DLX4: variants seen among roughly 807,000 people sequenced by gnomAD.
The protein encoded by DLX4 is homeobox protein DLX-4.
A neutral mutation model predicts 17.1 loss-of-function variants in DLX4; 13 were observed. The observed-to-expected ratio is 0.76, with a 90% CI of 0.49 to 1.21. DLX4 has a LOEUF of 1.21. Among genes scored for constraint, DLX4 ranks in the 50% most tolerant of loss-of-function variants. The pLI is 0.00. For missense variants in DLX4, 297 were observed against 301.4 expected, an observed-to-expected ratio of 0.99 and a Z score of 0.11; for synonymous variants, 129 against 140.3, an observed-to-expected ratio of 0.92 and a Z score of 0.57.
At position 49,972,843 on chromosome 17, in the gene DLX4, T is replaced by A. The variant is rs1905556354; in HGVS notation, c.284-230T>A. The A allele has an allele frequency of 3.5e-6, 5 of 1,424,870 alleles. No individual in the cohort carries two copies. Among genetic ancestry groups the A allele is most frequent in the Non-Finnish European group, 4.6e-6 (5 of 1,088,136 alleles). 88.3% of individuals were successfully genotyped at this position (1,424,870 alleles called of 1,614,324 possible). ...TCACAGGACCCATACGAGTGGGAGC[T>A]CCCTGGGAGCAGAACTGCGTCTTGT... On this transcript the variant is annotated intron_variant, in intron 1 of 2. Coordinates refer to ENST00000240306, the MANE Select transcript of DLX4 (RefSeq NM_138281.3). The surrounding 1 kb of genome is among the most constrained non-coding windows in gnomAD (Gnocchi z 5.4).
At chr17:49,969,997 C>G (rs540169259) in intron 1 of DLX4, among the ~76,000 whole-genome samples, 2 of 152,054 alleles carry the variant, frequency 1.3e-5, no homozygotes, top group African/African-American at 4.8e-5. Flanking sequence ...TAAAGACAGG[C>G]GAGAGGGCCC....
At position 49,969,605 on chromosome 17, in the gene DLX4, C is replaced by G. The variant is rs1464193486; in HGVS notation, c.137C>G (p.Ser46Cys). 6.2e-7 allele frequency: 1 copy of G among 1,613,472 alleles called. No homozygotes were observed. Among genetic ancestry groups the G allele is most frequent in the East Asian group, 2.2e-5 (1 of 44,862 alleles). ...SPTTAASPNL[S>C]YSRPYGHLLS... is the part of the protein sequence containing the mutation. ...ACAACCGCAGCCTCCCCCAATTTGTCCTACTCCAGGCCGTATGGCCACCTC... is the reference window on the plus strand; with the variant it reads ...ACAACCGCAGCCTCCCCCAATTTGTGCTACTCCAGGCCGTATGGCCACCTC... The change falls in exon 1 of 3, where the codon TCC (serine) becomes TGC (cysteine). Residue 46 changes from serine to cysteine, a missense_variant. Transcript: ENST00000240306.
At chr17:49,968,611 G>A (rs1209844136), upstream of DLX4, among the ~76,000 whole-genome samples, 1 of 152,012 alleles carries the variant, frequency 6.6e-6, no homozygotes, top group Non-Finnish European at 1.5e-5. Context: ...GGGTGCAGCG[G>A]CGGCGGTCTC....
chr17:49,973,802 G>A lies in DLX4; in HGVS notation c.582G>A (p.Val194=), dbSNP rs779984318. The change falls in exon 3 of 3, where the codon GTG becomes GTA. Residue 194 remains valine (V), a synonymous_variant. Coordinates refer to ENST00000240306, the MANE Select transcript of DLX4 (RefSeq NM_138281.3). ...ACTTCCCTGGGAGGACCTTCTCTGT[G>A]TCTCCCTGCTCCCCACCCCTCCCCT... ...EGDFPGRTFS[V]SPCSPPLPSL... is the part of the protein sequence containing the mutation. 2 of 1,602,394 alleles carry A rather than the reference G, an allele frequency of 1.2e-6. No individual in the cohort carries two copies. Among genetic ancestry groups the A allele is most frequent in the Admixed American group, 1.7e-5 (1 of 58,540 alleles).
intron 2 of DLX4, 35 bp from the exon 3 acceptor site, chr17:49,973,666 C>T (rs1213970024): frequency 5.3e-6 from 8 of 1,496,574 alleles, no homozygotes; most frequent in Non-Finnish European, 7.1e-6. Flanking sequence ...TATCTTCCTC[C>T]TGATCTTTCA....
chr17:49,973,938 A>T lies in DLX4; in HGVS notation c.718A>T (p.Met240Leu), dbSNP rs1211164799. Residue 240 changes from methionine to leucine, a missense_variant, in exon 3 of 3, where the codon ATG (methionine) becomes TTG (leucine). Physicochemically the swap from Met to Leu is conservative, Grantham distance 15. Coordinates refer to ENST00000240306, the MANE Select transcript of DLX4 (RefSeq NM_138281.3). ...SSDVLASPQM[M>L] is the part of the protein sequence containing the mutation. The stretch of plus-strand genomic sequence containing the variant: ...AGATGTCCTGGCTTCGCCTCAGATG[A>T]TGTGAATCTGGGGAAGGGCGGGTCA... 1.2e-6 allele frequency: 2 copies of T among 1,601,908 alleles called. No homozygotes were observed. Among genetic ancestry groups the T allele is most frequent in the Non-Finnish European group, 8.5e-7 (1 of 1,175,124 alleles).
At position 49,973,792 on chromosome 17, in the gene DLX4, C is replaced by T; in HGVS notation, c.572C>T (p.Thr191Ile). Reference sequence around the variant, plus strand: ...CAGGAAGGGGACTTCCCTGGGAGGACCTTCTCTGTGTCTCCCTGCTCCCCA... The same window carrying T: ...CAGGAAGGGGACTTCCCTGGGAGGATCTTCTCTGTGTCTCCCTGCTCCCCA... ...GGQEGDFPGR[T>I]FSVSPCSPPL... The change falls in exon 3 of 3, where the codon ACC (threonine) becomes ATC (isoleucine). Residue 191 changes from threonine (T) to isoleucine (I), a missense_variant. Thr to Ile is a moderately conservative substitution (Grantham distance 89). Coordinates refer to ENST00000240306, the MANE Select transcript of DLX4 (RefSeq NM_138281.3). The T allele has an allele frequency of 1.3e-6, 2 of 1,597,892 alleles. No individual in the cohort carries two copies. The highest frequency in any genetic ancestry group is 1.7e-6 in the Non-Finnish European group (2 of 1,171,586).
chr17:49,973,708 T>C lies in DLX4; in HGVS notation c.488T>C (p.Ile163Thr), dbSNP rs1905609332. 1 of 1,498,402 alleles carries C rather than the reference T, an allele frequency of 6.7e-7. No individual in the cohort carries two copies. Among genetic ancestry groups the C allele is most frequent in the African/African-American group, 1.4e-5 (1 of 70,766 alleles). The allele number at this position is 1,498,402 out of a possible 1,614,324, so 92.8% of individuals were successfully genotyped here. A position where few individuals can be genotyped will look rare whatever the true frequency, so the allele number is the denominator to read the frequency against. The change falls in exon 3 of 3, where the codon ATC becomes ACC. Residue 163 changes from isoleucine (I) to threonine (T), a missense_variant. Coordinates refer to ENST00000240306, the MANE Select transcript of DLX4 (RefSeq NM_138281.3). ...CCCCTTTTCTTCCCGAAGGTAAAGA[T>C]CTGGTTTCAGAACAAACGCTCCAAG... ...QLGLTQTQVK[I>T]WFQNKRSKYK...
In DLX4 at chr17:49,969,630, C is replaced by T. The variant is rs759258179; in HGVS notation, c.162C>T (p.Leu54=). 6.2e-7 allele frequency: 1 copy of T among 1,612,866 alleles called. No individual in the cohort carries two copies. Among genetic ancestry groups the T allele is most frequent in the Non-Finnish European group, 8.5e-7 (1 of 1,179,972 alleles). The change falls in exon 1 of 3, where the codon CTC becomes CTT. Residue 54 remains leucine (L), a synonymous_variant. Coordinates refer to ENST00000240306, the MANE Select transcript of DLX4 (RefSeq NM_138281.3). ...CCTACTCCAGGCCGTATGGCCACCT[C>T]CTGTCTTACCCCTACACCGAGCCAG... is the stretch of plus-strand genomic sequence containing the variant. ...NLSYSRPYGH[L]LSYPYTEPAN...
At position 49,973,138 on chromosome 17, in the gene DLX4, C is replaced by T; in HGVS notation, c.349C>T (p.Leu117Phe). The change falls in exon 2 of 3, where the codon CTC becomes TTC. Residue 117 changes from leucine (L) to phenylalanine (F), a missense_variant. Transcript: ENST00000240306. ...GCGCCCTCAGGCCCCCGCCAAAAAG[C>T]TCCGCAAGCCGAGGACCATCTACTC... Reference protein sequence around the residue: ...ERRPQAPAKKLRKPRTIYSSL... With the variant: ...ERRPQAPAKKFRKPRTIYSSL... 2 of 1,614,038 alleles carry T rather than the reference C, an allele frequency of 1.2e-6. No homozygotes were observed. Among genetic ancestry groups the T allele is most frequent in the Non-Finnish European group, 1.7e-6 (2 of 1,179,968 alleles).
rs746924545 is a variant in DLX4 at position 49,973,691 on chromosome 17, C to T, written c.481-10C>T. The T allele has an allele frequency of 2.0e-6, 3 of 1,493,358 alleles. No homozygotes were observed. Among genetic ancestry groups the T allele is most frequent in the East Asian group, 2.4e-5 (1 of 41,652 alleles). The allele number at this position is 1,493,358 out of a possible 1,614,324, so 92.5% of individuals were successfully genotyped here. A position where few individuals can be genotyped will look rare whatever the true frequency, so the allele number is the denominator to read the frequency against. On this transcript the variant is annotated splice_polypyrimidine_tract_variant and intron_variant, in intron 2 of 2. Transcript: ENST00000240306. ...CTGATCTTTCATTCTTTCCCCTTTTCTTCCCGAAGGTAAAGATCTGGTTTC... is the reference window on the plus strand; with the variant it reads ...CTGATCTTTCATTCTTTCCCCTTTTTTTCCCGAAGGTAAAGATCTGGTTTC...
chr17:49,969,341 A>G lies in DLX4; in HGVS notation c.-128A>G. 5 of 1,082,904 alleles carry G rather than the reference A, an allele frequency of 4.6e-6. No individual in the cohort carries two copies. The highest frequency in any genetic ancestry group is 6.4e-6 in the Non-Finnish European group (5 of 778,416). 67.1% of individuals were successfully genotyped at this position (1,082,904 alleles called of 1,614,324 possible). On this transcript the variant is annotated 5_prime_UTR_variant, in exon 1 of 3. Coordinates refer to ENST00000240306, the MANE Select transcript of DLX4 (RefSeq NM_138281.3). ...GGCTCAGAGAGACACTTTCTCCGGG[A>G]TCTTAAGTGTGGGGGCTGCTGGCTG...
Position 49,969,634 on chromosome 17 carries a change from T to A in DLX4, c.166T>A (p.Ser56Thr). The stretch of plus-strand genomic sequence containing the variant: ...CTCCAGGCCGTATGGCCACCTCCTG[T>A]CTTACCCCTACACCGAGCCAGCGAA... ...SYSRPYGHLL[S>T]YPYTEPANPG... Residue 56 changes from serine (S) to threonine (T), a missense_variant, in exon 1 of 3, where the codon TCT (serine) becomes ACT (threonine). Physicochemically the swap from Ser to Thr is moderately conservative, Grantham distance 58. Coordinates refer to ENST00000240306, the MANE Select transcript of DLX4 (RefSeq NM_138281.3). 6.2e-7 allele frequency: 1 copy of A among 1,612,504 alleles called. No individual in the cohort carries two copies. Among genetic ancestry groups the A allele is most frequent in the Non-Finnish European group, 8.5e-7 (1 of 1,179,922 alleles).
At position 49,973,242 on chromosome 17, in the gene DLX4, A is replaced by G; in HGVS notation, c.453A>G (p.Ala151=). ...CGCTGCCCGAGAGGGCCCAGCTGGC[A>G]GCGCAGCTCGGCCTCACCCAGACCC... ...YLALPERAQL[A]AQLGLTQTQV... is the part of the protein sequence containing the mutation. The change falls in exon 2 of 3, where the codon GCA becomes GCG. Residue 151 remains alanine (A), a synonymous_variant. Transcript: ENST00000240306. 6.2e-7 allele frequency: 1 copy of G among 1,614,028 alleles called. No individual in the cohort carries two copies.
Position 49,973,709 on chromosome 17 carries a change from C to A in DLX4, c.489C>A (p.Ile163=). The A allele has an allele frequency of 6.7e-7, 1 of 1,498,526 alleles. No homozygotes were observed. Among genetic ancestry groups the A allele is most frequent in the Non-Finnish European group, 8.9e-7 (1 of 1,123,350 alleles). 92.8% of individuals were successfully genotyped at this position (1,498,526 alleles called of 1,614,324 possible). A position where few individuals can be genotyped will look rare whatever the true frequency, so the allele number is the denominator to read the frequency against. ...CCCTTTTCTTCCCGAAGGTAAAGATCTGGTTTCAGAACAAACGCTCCAAGT... is the reference window on the plus strand; with the variant it reads ...CCCTTTTCTTCCCGAAGGTAAAGATATGGTTTCAGAACAAACGCTCCAAGT... ...QLGLTQTQVK[I]WFQNKRSKYK... The change falls in exon 3 of 3, where the codon ATC becomes ATA. Residue 163 remains isoleucine (I), a synonymous_variant. Coordinates refer to ENST00000240306, the MANE Select transcript of DLX4 (RefSeq NM_138281.3).
In DLX4 at chr17:49,972,779, G is replaced by A; in HGVS notation, c.284-294G>A. The A allele has an allele frequency of 7.2e-7, 1 of 1,384,510 alleles. No homozygotes were observed. The allele number at this position is 1,384,510 out of a possible 1,614,324, so 85.8% of individuals were successfully genotyped here. A position where few individuals can be genotyped will look rare whatever the true frequency, so the allele number is the denominator to read the frequency against. On this transcript the variant is annotated intron_variant, in intron 1 of 2. Coordinates refer to ENST00000240306, the MANE Select transcript of DLX4 (RefSeq NM_138281.3). The surrounding 1 kb of genome is among the most constrained non-coding windows in gnomAD (Gnocchi z 5.4). ...TCCGACCTCCCACCGCAGGCGCCGC[G>A]GTACCCTGGCTGTGGCCCTCGGCGC...
chr17:49,969,436 G>C lies in DLX4; in HGVS notation c.-33G>C. 1 of 1,497,920 alleles carries C rather than the reference G, an allele frequency of 6.7e-7. No individual in the cohort carries two copies. The allele number at this position is 1,497,920 out of a possible 1,614,324, so 92.8% of individuals were successfully genotyped here. On this transcript the variant is annotated 5_prime_UTR_variant, in exon 1 of 3. Transcript: ENST00000240306. ...GGCAGCGGGAGCGGACTACGTGCCGGGCCATGGCCCTTCTGCCCGGGCCCT... is the reference window on the plus strand; with the variant it reads ...GGCAGCGGGAGCGGACTACGTGCCGCGCCATGGCCCTTCTGCCCGGGCCCT...
rs1046931525 is a variant in DLX4 at position 49,969,306 on chromosome 17, C to G, written c.-163C>G. 3 of 805,374 alleles carry G rather than the reference C, an allele frequency of 3.7e-6. No homozygotes were observed. The highest frequency in any genetic ancestry group is 5.4e-6 in the Non-Finnish European group (3 of 553,146). 49.9% of individuals were successfully genotyped at this position (805,374 alleles called of 1,614,324 possible). ...ACCCCTTTCCCAGGCGCGCGTTCTCCGCTGAAAGAGGCTCAGAGAGACACT... is the reference window on the plus strand; with the variant it reads ...ACCCCTTTCCCAGGCGCGCGTTCTCGGCTGAAAGAGGCTCAGAGAGACACT... On this transcript the variant is annotated 5_prime_UTR_variant, in exon 1 of 3. Coordinates refer to ENST00000240306, the MANE Select transcript of DLX4 (RefSeq NM_138281.3).
In DLX4 at chr17:49,972,305, C is replaced by T. The variant is rs3760415; in HGVS notation, c.284-768C>T. On this transcript the variant is annotated intron_variant, in intron 1 of 2. Coordinates refer to ENST00000240306, the MANE Select transcript of DLX4 (RefSeq NM_138281.3). The surrounding 1 kb of genome is among the most constrained non-coding windows in gnomAD (Gnocchi z 5.4). ...GCCCCGCCGGGCTACGCTGCGCGCT[C>T]TTGGAACCCGGGTCACCTTCCCTGC... 0.09 allele frequency: 13,700 copies of T among 152,406 alleles called. 742 individuals carry two copies. The highest frequency in any genetic ancestry group is 0.13 in the South Asian group (607 of 4,828). 9.4% of individuals were successfully genotyped at this position (152,406 alleles called of 1,614,324 possible).
Sources: allele counts gnomAD v4.1 joint callset (sites outside exome capture counted in the v4.1 genomes callset), GRCh38; gene constraint gnomAD v4.1.1; non-coding constraint Gnocchi (gnomAD v3.1); transcripts MANE v1.5; gene names NCBI Gene and HGNC (gene_info 2026-07-23, HGNC 2026-07-21).